The following SMIM36 variants were observed in gnomAD, a reference collection of about 807,000 sequenced individuals.
SMIM36 encodes small integral membrane protein 36.
At chr17:55,526,645 C>G in the SMIM36 span, among the ~76,000 whole-genome samples, 2 of 152,176 alleles carry the variant, frequency 1.3e-5, no homozygotes, top group African/African-American at 4.8e-5. Context: ...CCATCAGGAT[C>G]AGGAAATGGA....
At chr17:55,510,615 CA>C (rs1431671016) in intron 1 of SMIM36, among the ~76,000 whole-genome samples, 6 of 152,190 alleles carry the variant, frequency 3.9e-5, no homozygotes, top group East Asian at 1.9e-4. Flanking sequence ...AAAATAACAA[CA>C]AAAAACTGGT....
chr17:55,456,038 A>C (rs1482386892), intron 4 of SMIM36, among the ~76,000 whole-genome samples: 1 of 135,832 alleles, frequency 7.4e-6, no homozygotes, highest in Non-Finnish European at 1.5e-5. Flanking sequence ...GAAAAGCTTG[A>C]CCCCAGGAGG....
intron 1 of SMIM36, among the ~76,000 whole-genome samples, chr17:55,499,966 CA>C (rs1909878489): frequency 6.6e-6 from 1 of 151,000 alleles, no homozygotes; most frequent in Admixed American, 6.6e-5. Flanking sequence ...GTGGCAGGGG[CA>C]AATAGGAAAA....
intron 1 of SMIM36, among the ~76,000 whole-genome samples, chr17:55,490,237 G>A (rs1302468182): frequency 3.3e-5 from 5 of 152,076 alleles, no homozygotes; most frequent in South Asian, 4.1e-4. Flanking sequence ...AAAGTAGGGT[G>A]GAAAAATCAC....
At chr17:55,493,434 A>G (rs762748854) in intron 1 of SMIM36, among the ~76,000 whole-genome samples, 1 of 152,194 alleles carries the variant, frequency 6.6e-6, no homozygotes, top group Non-Finnish European at 1.5e-5. Context: ...CACAGGGTCA[A>G]CTGAAGCAGA....
chr17:55,464,956 A>C (rs1028748264), intron 4 of SMIM36, among the ~76,000 whole-genome samples: 7 of 152,316 alleles, frequency 4.6e-5, no homozygotes, highest in African/African-American at 1.7e-4. Flanking sequence ...ATAATACCTG[A>C]CTTTATAGCA....
At chr17:55,491,082 G>A (rs1014447709) in intron 1 of SMIM36, among the ~76,000 whole-genome samples, 5 of 151,736 alleles carry the variant, frequency 3.3e-5, no homozygotes, top group Admixed American at 2.0e-4. Flanking sequence ...TAGTAAGACC[G>A]CATCTCTACA....
chr17:55,488,197 C>T (rs1216900960), intron 1 of SMIM36, among the ~76,000 whole-genome samples: 1 of 152,230 alleles, frequency 6.6e-6, no homozygotes, highest in Admixed American at 6.5e-5. Context: ...CCCATGTCTG[C>T]TGATTCTGCA....
chr17:55,528,646 G>C, the SMIM36 span, among the ~76,000 whole-genome samples: 1 of 150,384 alleles, frequency 6.6e-6, no homozygotes, highest in Non-Finnish European at 1.5e-5. Context: ...TCTGCCTCCC[G>C]GGTTCAAGCA....
intron 3 of SMIM36, among the ~76,000 whole-genome samples, chr17:55,476,232 C>T (rs1336637929): frequency 1.3e-5 from 2 of 152,070 alleles, no homozygotes; most frequent in Non-Finnish European, 2.9e-5. Context: ...GATTTGTTCC[C>T]GCTTCACCCT....
At chr17:55,495,860 G>T (rs1438815166) in intron 1 of SMIM36, among the ~76,000 whole-genome samples, 5 of 152,148 alleles carry the variant, frequency 3.3e-5, no homozygotes. Context: ...AAGTCTAAGA[G>T]CAGAAGAGAT....
Position 55,500,850 on chromosome 17 carries a change from A to ATT in SMIM36, c.*174+10027_*174+10028dup, listed in dbSNP as rs1305272378. Among the ~76,000 whole-genome samples, 69 of 9,488 alleles carry ATT rather than the reference A, an allele frequency of 7.3e-3. 21 individuals carry two copies. In the African/African-American group the frequency reaches 0.088, roughly 12 times the overall value. 6.2% of individuals were successfully genotyped at this position (9,488 alleles called of 152,430 possible). A position where few individuals can be genotyped will look rare whatever the true frequency, so the allele number is the denominator to read the frequency against. On this transcript the variant is annotated intron_variant, in intron 1 of 4. Coordinates refer to ENST00000636752, the Ensembl canonical transcript of SMIM36. ...TATAATATATATTATAATATATTAT[A>ATT]TTATAATATATTATAATATATTATA...
chr17:55,531,994 T>A, the SMIM36 span, among the ~76,000 whole-genome samples: 51,827 of 152,132 alleles, frequency 0.34, 8,951 homozygotes, highest in East Asian at 0.5. Context: ...CCAAGTACCC[T>A]CACTTTCTGG....
At chr17:55,459,665 T>G (rs1224381367) in intron 4 of SMIM36, among the ~76,000 whole-genome samples, 2 of 152,212 alleles carry the variant, frequency 1.3e-5, no homozygotes, top group African/African-American at 4.8e-5. Flanking sequence ...AAATGATTTC[T>G]CTACCCCAAA....
chr17:55,513,851 G>A (rs1910222634), upstream of SMIM36, among the ~76,000 whole-genome samples: 2 of 152,178 alleles, frequency 1.3e-5, no homozygotes, highest in African/African-American at 2.4e-5. Flanking sequence ...GTGTAATGGT[G>A]ATAATCATTA....
At chr17:55,504,355 C>G (rs1229730554) in intron 1 of SMIM36, among the ~76,000 whole-genome samples, 1 of 67,252 alleles carries the variant, frequency 1.5e-5, no homozygotes, top group Admixed American at 1.5e-4. Context: ...TGTAAAAGAA[C>G]AGAAATTATA....
In SMIM36 at chr17:55,451,951, T is replaced by A. The variant is rs113396059; in HGVS notation, c.*532-1653A>T. ...GTCGCCACAAAAAATAAAAAGATTT[T>A]AAAAATTAGACAGGCAAGGTGGTGG... On this transcript the variant is annotated intron_variant, in intron 4 of 4. Coordinates refer to ENST00000636752, the Ensembl canonical transcript of SMIM36. 8.3e-3 allele frequency among the ~76,000 whole-genome samples: 1,255 copies of A among 151,778 alleles called. 18 individuals carry two copies. Among genetic ancestry groups the A allele is most frequent in the African/African-American group, 0.029 (1,189 of 41,410 alleles).
Position 55,463,755 on chromosome 17 carries a change from G to GT in SMIM36, c.*531+3389dup, listed in dbSNP as rs199865368. The stretch of plus-strand genomic sequence containing the variant: ...GAAACAGGAAGCCTGGGTAATCTGT[G>GT]TTTTTTTTTCTCCCCAAAGTAGGTA... On this transcript the variant is annotated intron_variant, in intron 4 of 4. Coordinates refer to ENST00000636752, the Ensembl canonical transcript of SMIM36. Among the ~76,000 whole-genome samples the GT allele has an allele frequency of 2.1e-3, 319 of 151,140 alleles. 1 individual carries two copies. The highest frequency in any genetic ancestry group is 7.3e-3 in the African/African-American group (301 of 41,172).
chr17:55,499,922 A>G (rs1372835390), intron 1 of SMIM36, among the ~76,000 whole-genome samples: 4 of 109,294 alleles, frequency 3.7e-5, no homozygotes, highest in Non-Finnish European at 5.6e-5. Context: ...GGTTTAAAAT[A>G]AAAGCAAGTA....
Sources: gnomAD v4.1 joint callset for allele counts (sites outside exome capture counted in the v4.1 genomes callset) on GRCh38, gnomAD v4.1.1 for gene constraint, MANE v1.5 for transcripts, NCBI Gene and HGNC (gene_info 2026-07-23, HGNC 2026-07-21) for gene names.